The following CNKSR2 variants were observed in gnomAD, a reference collection of about 807,000 sequenced individuals.
CNKSR2 encodes CNK homolog protein 2.
A neutral mutation model predicts 84.4 loss-of-function variants in CNKSR2; 14 were observed. That is an observed-to-expected ratio of 0.17 (90% CI 0.11 to 0.26). CNKSR2 has a LOEUF of 0.26. CNKSR2 is among the 10% of genes least tolerant of loss of function. The pLI is 1.00. For synonymous variants in CNKSR2, 275 were observed against 277.9 expected (o/e 0.99, Z 0.10); for missense variants, 485 against 771.2 (o/e 0.63, Z 4.40).
chrX:21,641,247 G>A (rs1025279628), intron 20 of CNKSR2, among the ~76,000 whole-genome samples: 7 of 111,909 alleles, frequency 6.3e-5, no homozygotes, highest in African/African-American at 1.6e-4. Flanking sequence ...AAGTATAGTG[G>A]TGGGAAAATA....
chrX:21,385,543 T>C (rs1601718449), intron 1 of CNKSR2, among the ~76,000 whole-genome samples: 1 of 112,162 alleles, frequency 8.9e-6, no homozygotes, highest in Admixed American at 9.5e-5. Flanking sequence ...CCCTGAAAGG[T>C]TGGACTTAAT....
intron 2 of CNKSR2, 83 bp downstream of exon 2, chrX:21,426,743 T>TA (rs1335281462): frequency 2.0e-6 from 2 of 1,021,922 alleles, no homozygotes; most frequent in Non-Finnish European, 2.6e-6. Flanking sequence ...CCTCTTTTGA[T>TA]AATCGAAATG....
intron 1 of CNKSR2, among the ~76,000 whole-genome samples, chrX:21,388,716 T>C (rs771097158): frequency 9.0e-6 from 1 of 111,633 alleles, no homozygotes; most frequent in East Asian, 2.8e-4. Context: ...AGACAAATCA[T>C]CCATGTAGAG....
chrX:21,641,372 A>C (rs771621754), intron 20 of CNKSR2, among the ~76,000 whole-genome samples: 50 of 112,076 alleles, frequency 4.5e-4, no homozygotes, highest in African/African-American at 1.5e-3. Context: ...TGCCAACAGA[A>C]AGACATTGTA....
At chrX:21,538,644 T>G (rs1395423195) in intron 11 of CNKSR2, 2 of 112,490 alleles carry the variant, frequency 1.8e-5, no homozygotes, top group Non-Finnish European at 3.7e-5. Flanking sequence ...ATAGGCTGTC[T>G]GCAAGCTGAG....
chrX:21,498,957 C>T (rs1219085660), intron 7 of CNKSR2, among the ~76,000 whole-genome samples: 1 of 111,509 alleles, frequency 9.0e-6, no homozygotes. Flanking sequence ...AATCAACATT[C>T]TTTTCATCTA....
intron 20 of CNKSR2, among the ~76,000 whole-genome samples, chrX:21,627,827 A>G (rs2092631065): frequency 9.0e-6 from 1 of 111,008 alleles, no homozygotes; most frequent in African/African-American, 3.3e-5. Flanking sequence ...CACAAAACAT[A>G]TTATTCCACC....
At chrX:21,386,543 T>A (rs778758396) in intron 1 of CNKSR2, among the ~76,000 whole-genome samples, 5 of 112,179 alleles carry the variant, frequency 4.5e-5, no homozygotes, top group Non-Finnish European at 9.4e-5. Context: ...TATTTGAAAG[T>A]GATACACATA....
At chrX:21,551,140 T>G (rs2092087223) in intron 11 of CNKSR2, among the ~76,000 whole-genome samples, 1 of 110,760 alleles carries the variant, frequency 9.0e-6, no homozygotes, top group African/African-American at 3.3e-5. Flanking sequence ...CCGCAGGTTC[T>G]CATTCATAAG....
intron 15 of CNKSR2, chrX:21,593,133 A>G (rs1483300207): frequency 9.0e-6 from 1 of 111,376 alleles, no homozygotes; most frequent in Non-Finnish European, 1.9e-5. Context: ...TTATGGGGAG[A>G]TAATAACTAC....
At chrX:21,568,647 A>T (rs936425451) in intron 13 of CNKSR2, among the ~76,000 whole-genome samples, 1 of 109,044 alleles carries the variant, frequency 9.2e-6, no homozygotes, top group African/African-American at 3.4e-5. Flanking sequence ...AAACATTTTT[A>T]TTTTTTTTTA....
At chrX:21,449,084 C>T (rs1303852313) in intron 4 of CNKSR2, among the ~76,000 whole-genome samples, 1 of 111,003 alleles carries the variant, frequency 9.0e-6, no homozygotes, top group East Asian at 2.8e-4. Context: ...GCGGGCAGAT[C>T]ACCTGAGGTC....
chrX:21,486,021 G>A (rs2091380782), intron 5 of CNKSR2, among the ~76,000 whole-genome samples: 1 of 111,531 alleles, frequency 9.0e-6, no homozygotes, highest in East Asian at 2.8e-4. Flanking sequence ...TGTAGTCCCA[G>A]CTGCTCAGGA....
At chrX:21,519,871 A>G (rs1415687840) in intron 9 of CNKSR2, among the ~76,000 whole-genome samples, 1 of 111,179 alleles carries the variant, frequency 9.0e-6, no homozygotes, top group Non-Finnish European at 1.9e-5. Flanking sequence ...TTATCCTAAC[A>G]TAAGGAATAA....
chrX:21,622,317 C>T (rs1231969353), intron 20 of CNKSR2, among the ~76,000 whole-genome samples: 1 of 111,095 alleles, frequency 9.0e-6, no homozygotes, highest in African/African-American at 3.3e-5. Context: ...TTATTTTCTA[C>T]TTGTTCATTT....
Position 21,652,924 on chromosome X carries a change from G to A in CNKSR2, c.*403G>A, listed in dbSNP as rs1602078017. ...TTTTCAGGTGCAGACATCCTTGTGGGTGGGAAAGAATTTAAACCTTTTTTA... is the reference window on the plus strand; with the variant it reads ...TTTTCAGGTGCAGACATCCTTGTGGATGGGAAAGAATTTAAACCTTTTTTA... On this transcript the variant is annotated 3_prime_UTR_variant, in exon 22 of 22. Coordinates refer to ENST00000379510, the MANE Select transcript of CNKSR2 (RefSeq NM_014927.5). 1 of 117,739 alleles carries A rather than the reference G, an allele frequency of 8.5e-6. No homozygotes were observed. The highest frequency in any genetic ancestry group is 3.2e-5 in the African/African-American group (1 of 31,146). 9.7% of individuals were successfully genotyped at this position (117,739 alleles called of 1,213,427 possible).
At chrX:21,621,280 T>A (rs2092600446) in intron 20 of CNKSR2, among the ~76,000 whole-genome samples, 1 of 111,633 alleles carries the variant, frequency 9.0e-6, no homozygotes, top group Non-Finnish European at 1.9e-5. Flanking sequence ...TGCTCACTGT[T>A]GGCTCATATA....
At chrX:21,638,261 A>G (rs1408039040) in intron 20 of CNKSR2, among the ~76,000 whole-genome samples, 1 of 111,966 alleles carries the variant, frequency 8.9e-6, no homozygotes, top group Non-Finnish European at 1.9e-5. Context: ...ATCATCAGCT[A>G]TTTTTAGCAG....
At chrX:21,472,674 A>G (rs1387368812) in intron 5 of CNKSR2, among the ~76,000 whole-genome samples, 1 of 111,761 alleles carries the variant, frequency 8.9e-6, no homozygotes, top group East Asian at 2.8e-4. Context: ...TCAAATATCA[A>G]CAAAGGAAAT....
Sources: gnomAD v4.1 joint callset for allele counts (sites outside exome capture counted in the v4.1 genomes callset) on GRCh38, gnomAD v4.1.1 for gene constraint, MANE v1.5 for transcripts, NCBI Gene and HGNC (gene_info 2026-07-23, HGNC 2026-07-21) for gene names.